The following HEATR4 variants were observed in gnomAD, a reference collection of about 807,000 sequenced individuals.
HEATR4 encodes the protein HEAT repeat-containing protein 4.
HEATR4 carries 95 observed loss-of-function variants against 108.8 expected under a neutral mutation model. The ratio of observed to expected loss-of-function variants is 0.87; its 90% CI spans 0.74 to 1.04. The LOEUF is 1.04. HEATR4 is among the 50% of genes least tolerant of loss of function. The pLI, the probability that HEATR4 is intolerant of heterozygous loss-of-function variation, is 0.00. For missense variants in HEATR4, 1,152 were observed against 1,253.8 expected (o/e 0.92, Z 1.23); for synonymous variants, 443 against 459.4 (o/e 0.96, Z 0.46).
intron 5 of HEATR4, among the ~76,000 whole-genome samples, chr14:73,516,879 C>A (rs1485546765): frequency 1.3e-5 from 2 of 152,224 alleles, no homozygotes; most frequent in Non-Finnish European, 2.9e-5. Flanking sequence ...ATTTCATCCT[C>A]AAACCATCCC....
intron 5 of HEATR4, among the ~76,000 whole-genome samples, chr14:73,515,637 G>A (rs1413949054): frequency 7.8e-6 from 1 of 128,382 alleles, no homozygotes; most frequent in African/African-American, 3.0e-5. Context: ...CTGAGATCGC[G>A]CTCCAACCTG....
chr14:73,600,331 A>G, the HEATR4 span, among the ~76,000 whole-genome samples: 2 of 152,244 alleles, frequency 1.3e-5, no homozygotes, highest in East Asian at 3.9e-4. Context: ...TGAGTTAGCA[A>G]TTAAATTTAA....
At chr14:73,564,728 G>GTT in the HEATR4 span, among the ~76,000 whole-genome samples, 8 of 37,210 alleles carry the variant, frequency 2.1e-4, no homozygotes, top group East Asian at 5.8e-3. Context: ...TCTGTTTTTT[G>GTT]TTTTTTTTTT....
rs1336124912 is a variant in HEATR4, at chr14:73,492,234, A to T, written c.2844+832T>A. ...TATTTTCCTCGGGGCTTCATTCACC[A>T]AGCTGAATGCCAGGATGGAGTCCAC... On this transcript the variant is annotated intron_variant, in intron 17 of 17. Transcript: ENST00000553558. This position sits in a 1 kb window ranked among gnomAD's most constrained non-coding sequence, Gnocchi z 4.9. The T allele has an allele frequency of 6.2e-7, 1 of 1,613,968 alleles. No homozygotes were observed. Among genetic ancestry groups the T allele is most frequent in the Admixed American group, 1.7e-5 (1 of 60,018 alleles).
the HEATR4 span, chr14:73,595,235 A>G: frequency 2.0e-5 from 33 of 1,614,208 alleles, no homozygotes; most frequent in Non-Finnish European, 2.7e-5. Flanking sequence ...GAGGAGAATC[A>G]AGGTAGCTTT....
chr14:73,509,376 G>T lies in HEATR4; in HGVS notation c.1656C>A (p.Cys552Ter). Residue 552 changes from cysteine (C) to a stop codon, truncating the protein, a stop_gained, in exon 8 of 18, where the codon TGC becomes TGA. Coordinates refer to ENST00000553558, the MANE Select transcript of HEATR4 (RefSeq NM_001220484.1). LOFTEE classifies it high-confidence loss of function. ...NAHVRMAAAI[C>*]QYAIQSHNPL... The stretch of plus-strand genomic sequence containing the variant: ...GATTATGTGACTGTATGGCATATTG[G>T]CATATTGCTGCTGCCATCCGCACAT... 3 of 1,614,016 alleles carry T rather than the reference G, an allele frequency of 1.9e-6. No individual in the cohort carries two copies. The highest frequency in any genetic ancestry group is 2.5e-6 in the Non-Finnish European group (3 of 1,179,970).
the HEATR4 span, among the ~76,000 whole-genome samples, chr14:73,588,629 A>C: frequency 6.6e-6 from 1 of 152,172 alleles, no homozygotes; most frequent in South Asian, 2.1e-4. Context: ...TAAGCAAAAA[A>C]GGATGAGGCC....
the HEATR4 span, among the ~76,000 whole-genome samples, chr14:73,590,451 T>A: frequency 6.6e-6 from 1 of 152,266 alleles, no homozygotes; most frequent in African/African-American, 2.4e-5. Context: ...CAGGTGGAGC[T>A]GCCTGCCAGT....
the HEATR4 span, among the ~76,000 whole-genome samples, chr14:73,568,652 C>T: frequency 6.6e-6 from 1 of 151,870 alleles, no homozygotes; most frequent in African/African-American, 2.4e-5. Context: ...GGCGCGGTGG[C>T]TCATGCCTGT....
intron 17 of HEATR4, among the ~76,000 whole-genome samples, chr14:73,484,340 T>A (rs1885363734): frequency 6.6e-6 from 1 of 152,080 alleles, no homozygotes; most frequent in African/African-American, 2.4e-5. Flanking sequence ...TTCAGGCTTT[T>A]GGGGCCAGAT....
the HEATR4 span, among the ~76,000 whole-genome samples, chr14:73,601,060 G>A: frequency 6.6e-6 from 1 of 152,064 alleles, no homozygotes; most frequent in Non-Finnish European, 1.5e-5. Context: ...AGAATTGCTT[G>A]AACCCAGGAG....
chr14:73,611,404 G>A, the HEATR4 span: 4 of 152,210 alleles, frequency 2.6e-5, no homozygotes, highest in African/African-American at 9.7e-5. Context: ...CCCTTCCCTT[G>A]AACCTTCAGA....
chr14:73,570,565 T>C, the HEATR4 span, among the ~76,000 whole-genome samples: 1 of 143,560 alleles, frequency 7.0e-6, no homozygotes, highest in African/African-American at 2.6e-5. Context: ...CGAGACTCCG[T>C]CTCAAAAAAA....
At chr14:73,589,616 G>A in the HEATR4 span, among the ~76,000 whole-genome samples, 1 of 152,180 alleles carries the variant, frequency 6.6e-6, no homozygotes, top group Non-Finnish European at 1.5e-5. Context: ...CCTGTGCCTA[G>A]CCTACCTTAT....
In HEATR4 at chr14:73,551,619, C is replaced by A. The variant is rs1348407255; in HGVS notation, c.-152+7132G>T. On this transcript the variant is annotated intron_variant, in intron 1 of 17. Coordinates refer to ENST00000553558, the MANE Select transcript of HEATR4 (RefSeq NM_001220484.1). Reference sequence around the variant, plus strand: ...GGTCAGGAGTTCGAGACCAGCCTGACCAACATGGTGAAACACCGTCTCTAC... The same window carrying A: ...GGTCAGGAGTTCGAGACCAGCCTGAACAACATGGTGAAACACCGTCTCTAC... 1.8e-5 allele frequency among the ~76,000 whole-genome samples: 2 copies of A among 112,224 alleles called. 1 individual carries two copies. The highest frequency in any genetic ancestry group is 3.9e-5 in the Non-Finnish European group (2 of 51,860). 73.6% of individuals were successfully genotyped at this position (112,224 alleles called of 152,430 possible).
chr14:73,523,197 GGAAA>G lies in HEATR4; in HGVS notation c.-49_-46del. 6.6e-7 allele frequency: 1 copy of G among 1,507,688 alleles called. No homozygotes were observed. Among genetic ancestry groups the G allele is most frequent in the Non-Finnish European group, 8.8e-7 (1 of 1,131,814 alleles). 93.4% of individuals were successfully genotyped at this position (1,507,688 alleles called of 1,614,324 possible). On this transcript the variant is annotated 5_prime_UTR_variant, in exon 3 of 18. Transcript: ENST00000553558. ...TTCCTTCCACACTGCCTGGCCTAGA[GGAAA>G]GGCCTGGAGATGAGACCTGGCACCT... is the stretch of plus-strand genomic sequence containing the variant.
Position 73,538,506 on chromosome 14 carries a change from G to C in HEATR4, c.-151-8262C>G, listed in dbSNP as rs1357964604. On this transcript the variant is annotated intron_variant, in intron 1 of 17. Coordinates refer to ENST00000553558, the MANE Select transcript of HEATR4 (RefSeq NM_001220484.1). ...CGGGCGCCTGTCGTCCCAGCTACTC[G>C]GGACGCTGAGGCAGAAGAATGGCAT... 1.8e-5 allele frequency among the ~76,000 whole-genome samples: 2 copies of C among 110,426 alleles called. 1 individual carries two copies. The highest frequency in any genetic ancestry group is 3.9e-5 in the Non-Finnish European group (2 of 51,366). 72.4% of individuals were successfully genotyped at this position (110,426 alleles called of 152,430 possible). A position where few individuals can be genotyped will look rare whatever the true frequency, so the allele number is the denominator to read the frequency against.
the HEATR4 span, chr14:73,569,891 A>G: frequency 1.9e-6 from 3 of 1,599,302 alleles, no homozygotes; most frequent in South Asian, 3.4e-5. Context: ...CAGGTGACTC[A>G]CCTCCGCTAA....
the HEATR4 span, among the ~76,000 whole-genome samples, chr14:73,566,319 C>A: frequency 5.9e-5 from 9 of 152,098 alleles, no homozygotes; most frequent in African/African-American, 2.2e-4. Context: ...CTGCCAGTCC[C>A]GCACCGTGAG....
Sources: gnomAD v4.1 joint callset for allele counts (sites outside exome capture counted in the v4.1 genomes callset) on GRCh38, gnomAD v4.1.1 for gene constraint, Gnocchi (gnomAD v3.1) non-coding constraint, MANE v1.5 for transcripts, NCBI Gene and HGNC (gene_info 2026-07-23, HGNC 2026-07-21) for gene names.